KANSL1L: variants seen among roughly 807,000 people sequenced by gnomAD.
KANSL1L encodes KAT8 regulatory NSL complex subunit 1-like protein.
A neutral mutation model predicts 108.6 loss-of-function variants in KANSL1L; 25 were observed. The observed-to-expected ratio is 0.23, with a 90% CI of 0.17 to 0.32. KANSL1L has a LOEUF of 0.32. KANSL1L is among the 10% of genes least tolerant of loss of function. The pLI, the probability that KANSL1L is intolerant of heterozygous loss-of-function variation, is 1.00. For synonymous variants in KANSL1L, 405 were observed against 395.1 expected (o/e 1.03, Z -0.30); for missense variants, 1,137 against 1,125.7 (o/e 1.01, Z -0.14).
intron 5 of KANSL1L, among the ~76,000 whole-genome samples, chr2:210,082,388 A>G (rs1034803027): frequency 6.6e-6 from 1 of 152,224 alleles, no homozygotes; most frequent in African/African-American, 2.4e-5. Flanking sequence ...ACTCGATGTC[A>G]AGCACAGGAA....
intron 6 of KANSL1L, among the ~76,000 whole-genome samples, chr2:210,057,586 A>G (rs1263893360): frequency 6.6e-6 from 1 of 152,168 alleles, no homozygotes; most frequent in Non-Finnish European, 1.5e-5. Context: ...ATGTAGTCCC[A>G]GCTACTCGGG....
Position 210,079,612 on chromosome 2 carries a change from GTATATATATATATA to G in KANSL1L, c.1551-3870_1551-3857del, listed in dbSNP as rs60144283. ...TCTCAAAAAAAAAAAATATGTATGT[GTATATATATATATA>G]TATATATATATATATATATATATAT... On this transcript the variant is annotated intron_variant, in intron 5 of 14. Transcript: ENST00000281772. Among the ~76,000 whole-genome samples the G allele has an allele frequency of 1.4e-3, 89 of 65,582 alleles. 2 individuals are homozygous for G. The highest frequency in any genetic ancestry group is 5.7e-3 in the African/African-American group (61 of 10,616). 43.0% of individuals were successfully genotyped at this position (65,582 alleles called of 152,430 possible). A position where few individuals can be genotyped will look rare whatever the true frequency, so the allele number is the denominator to read the frequency against.
chr2:210,025,686 AAG>A (rs1453050542), intron 12 of KANSL1L, among the ~76,000 whole-genome samples: 4 of 152,222 alleles, frequency 2.6e-5, no homozygotes, highest in Non-Finnish European at 5.9e-5. Context: ...ATTCCTGTAA[AAG>A]GGGAGTCAAA....
intron 5 of KANSL1L, among the ~76,000 whole-genome samples, chr2:210,079,636 AT>A (rs2094568856): frequency 1.9e-4 from 1 of 5,374 alleles, no homozygotes; most frequent in South Asian, 0.016. Context: ...ATATATATAT[AT>A]ATATATATAT....
intron 6 of KANSL1L, among the ~76,000 whole-genome samples, chr2:210,070,826 T>C (rs1039474152): frequency 6.6e-6 from 1 of 152,172 alleles, no homozygotes; most frequent in South Asian, 2.1e-4. Flanking sequence ...GTTATATGTA[T>C]ATGTAATATG....
chr2:210,126,688 C>G (rs2095068716), intron 3 of KANSL1L, among the ~76,000 whole-genome samples: 1 of 152,092 alleles, frequency 6.6e-6, no homozygotes, highest in Non-Finnish European at 1.5e-5. Context: ...CTTGGTGGCA[C>G]ATGCCTGTAA....
intron 5 of KANSL1L, among the ~76,000 whole-genome samples, chr2:210,082,034 AG>A (rs1204572766): frequency 6.6e-6 from 1 of 152,158 alleles, no homozygotes; most frequent in Non-Finnish European, 1.5e-5. Context: ...TCTTGGCTCA[AG>A]TGATGCTCCT....
At chr2:210,082,044 CT>C (rs2094594424) in intron 5 of KANSL1L, among the ~76,000 whole-genome samples, 2 of 152,254 alleles carry the variant, frequency 1.3e-5, no homozygotes, top group African/African-American at 4.8e-5. Flanking sequence ...AGTGATGCTC[CT>C]GCCTCAGGCC....
intron 6 of KANSL1L, among the ~76,000 whole-genome samples, chr2:210,055,264 G>A (rs1244561315): frequency 1.3e-5 from 2 of 152,196 alleles, no homozygotes; most frequent in African/African-American, 4.8e-5. Context: ...AGCCTCCCCA[G>A]CCATGCTGAA....
At position 210,129,112 on chromosome 2, in the gene KANSL1L, A is replaced by T; in HGVS notation, c.1149T>A (p.Thr383=). The T allele has an allele frequency of 6.2e-7, 1 of 1,613,990 alleles. No individual in the cohort carries two copies. Among genetic ancestry groups the T allele is most frequent in the Non-Finnish European group, 8.5e-7 (1 of 1,179,868 alleles). ...GGTCTGAAATCTGAGCTTGAAGCCA[A>T]GTCCATCGGCTGCCAACTCGTGCTC... The part of the protein sequence containing the change: ...VDRARVGSRW[T]WLQAQISDLE... Residue 383 remains threonine, a synonymous_variant, in exon 3 of 15, where the codon ACT becomes ACA. Coordinates refer to ENST00000281772, the MANE Select transcript of KANSL1L (RefSeq NM_152519.4).
rs2093881721 is a variant in KANSL1L, at chr2:210,023,020, T to G, written c.2893A>C (p.Lys965Gln). 9 of 1,613,998 alleles carry G rather than the reference T, an allele frequency of 5.6e-6. No homozygotes were observed. The highest frequency in any genetic ancestry group is 7.6e-6 in the Non-Finnish European group (9 of 1,179,938). ...SVPENGHHPK[K>Q]QSDGMEEYKT... The stretch of plus-strand genomic sequence containing the variant: ...TATTCTTCCATTCCATCTGACTGCT[T>G]TTTTGGATGGTGGCCATTCTCTGGT... Residue 965 changes from lysine to glutamine, a missense_variant, in exon 15 of 15, where the codon AAG becomes CAG. Transcript: ENST00000281772.
intron 2 of KANSL1L, among the ~76,000 whole-genome samples, chr2:210,129,525 CTT>C (rs908359185): frequency 5.9e-5 from 9 of 152,092 alleles, no homozygotes; most frequent in Admixed American, 5.9e-4. Context: ...TTACATAAAA[CTT>C]TTATACGTAA....
At chr2:210,111,307 A>G (rs1002672049) in intron 3 of KANSL1L, among the ~76,000 whole-genome samples, 1 of 152,178 alleles carries the variant, frequency 6.6e-6, no homozygotes, top group Admixed American at 6.5e-5. Flanking sequence ...CTGCTCAACA[A>G]TAAAAAAGAA....
intron 5 of KANSL1L, among the ~76,000 whole-genome samples, chr2:210,095,213 A>C (rs935538040): frequency 1.3e-5 from 2 of 152,066 alleles, no homozygotes; most frequent in African/African-American, 2.4e-5. Flanking sequence ...TATTTTAATA[A>C]AGATGCTTAA....
At chr2:210,153,221 G>A in intron 2 of KANSL1L, 1 of 263,868 alleles carries the variant, frequency 3.8e-6, no homozygotes, top group Non-Finnish European at 7.1e-6. Flanking sequence ...GGGTGTGGTG[G>A]CACACACCTG....
chr2:210,123,408 T>A (rs2095039005), intron 3 of KANSL1L, among the ~76,000 whole-genome samples: 1 of 152,134 alleles, frequency 6.6e-6, no homozygotes, highest in Admixed American at 6.5e-5. Flanking sequence ...GGTCATTATG[T>A]TAAGTGAAAT....
At chr2:210,145,502 A>G (rs1470141018) in intron 2 of KANSL1L, among the ~76,000 whole-genome samples, 1 of 152,176 alleles carries the variant, frequency 6.6e-6, no homozygotes, top group Non-Finnish European at 1.5e-5. Flanking sequence ...CACAGCTACA[A>G]TGTTTCTGGG....
chr2:210,039,137 A>G (rs1242959836), intron 8 of KANSL1L, among the ~76,000 whole-genome samples: 1 of 151,974 alleles, frequency 6.6e-6, no homozygotes, highest in Non-Finnish European at 1.5e-5. Context: ...TGGCTATTCA[A>G]CATTTTCTGT....
intron 7 of KANSL1L, among the ~76,000 whole-genome samples, chr2:210,042,165 A>G (rs1001268544): frequency 6.6e-6 from 1 of 152,198 alleles, no homozygotes. Context: ...TGCCTTTCTT[A>G]ATACCCGCAC....
Sources: allele counts gnomAD v4.1 joint callset (sites outside exome capture counted in the v4.1 genomes callset), GRCh38; gene constraint gnomAD v4.1.1; transcripts MANE v1.5; gene names NCBI Gene and HGNC (gene_info 2026-07-23, HGNC 2026-07-21).